The following ARSD variants were observed in gnomAD, a reference collection of about 807,000 sequenced individuals.
ARSD encodes the protein testis tissue sperm-binding protein Li 39a.
A neutral mutation model predicts 32.6 loss-of-function variants in ARSD; 21 were observed. The ratio of observed to expected loss-of-function variants is 0.64; its 90% confidence interval spans 0.46 to 0.93. ARSD has a LOEUF of 0.93. Ranked by LOEUF, ARSD falls within the 40% of genes least tolerant of loss-of-function variation. The pLI, the probability that ARSD is intolerant of heterozygous loss-of-function variation, is 0.00. For missense variants in ARSD, 454 were observed against 520.9 expected (o/e 0.87, Z 1.25); for synonymous variants, 224 against 237.4 (o/e 0.94, Z 0.52).
At chrX:2,922,842 C>CAAAAAAAAAAA (rs60380048) in intron 2 of ARSD, among the ~76,000 whole-genome samples, 27 of 43,722 alleles carry the variant, frequency 6.2e-4, no homozygotes, top group Non-Finnish European at 9.1e-4. Flanking sequence ...GACCGTGTCT[C>CAAAAAAAAAAA]AAAAAAAAAA....
At position 2,925,779 on chromosome X, in the gene ARSD, C is replaced by T. The variant is rs192033594; in HGVS notation, c.45-14G>A. 3.6e-5 allele frequency: 43 copies of T among 1,205,170 alleles called. No homozygotes were observed. The highest frequency in any genetic ancestry group is 2.9e-4 in the Admixed American group (13 of 45,251). ...GGCAAAGAGTCCCTGGAGAGAAAAG[C>T]GAAACACAGAAATGACTATCTACAA... On this transcript the variant is annotated splice_polypyrimidine_tract_variant and intron_variant, in intron 1 of 9. Coordinates refer to ENST00000381154, the MANE Select transcript of ARSD (RefSeq NM_001669.4).
chrX:2,914,181 G>A, intron 6 of ARSD: 1 of 757,905 alleles, frequency 1.3e-6, no homozygotes, highest in South Asian at 6.6e-5. Flanking sequence ...AATACTGAAG[G>A]ACCAAATAAA....
Position 2,919,102 on chromosome X carries a change from G to A in ARSD, c.440-875C>T, listed in dbSNP as rs761173207. Reference sequence around the variant, plus strand: ...ACTGCACTCCAGTGTAGGGGACAGAGCAACACTCCATCTCAAAAAAATAAA... The same window carrying A: ...ACTGCACTCCAGTGTAGGGGACAGAACAACACTCCATCTCAAAAAAATAAA... On this transcript the variant is annotated intron_variant, in intron 4 of 9. Transcript: ENST00000381154. Among the ~76,000 whole-genome samples, 3 of 109,761 alleles carry A rather than the reference G, an allele frequency of 2.7e-5. No individual in the cohort carries two copies. The East Asian group carries it at 8.5e-4, about 31-fold the overall frequency.
intron 2 of ARSD, among the ~76,000 whole-genome samples, chrX:2,925,409 T>C (rs941378432): frequency 8.9e-6 from 1 of 112,662 alleles, no homozygotes; most frequent in Non-Finnish European, 1.9e-5. Flanking sequence ...AAATTTCCGT[T>C]GTTTTAAGCT....
chrX:2,922,851 A>G lies in ARSD; in HGVS notation c.195-827T>C, dbSNP rs77210552. ...GAGTGAGACCGTGTCTCAAAAAAAA[A>G]AAAAAAAAAAAAAAAAAAAAGAAAG... On this transcript the variant is annotated intron_variant, in intron 2 of 9. Transcript: ENST00000381154. Among the ~76,000 whole-genome samples the G allele has an allele frequency of 1.5e-4, 12 of 78,256 alleles. No homozygotes were observed. In the East Asian group the frequency reaches 4.9e-3, roughly 32 times the overall value. The allele number at this position is 78,256 out of a possible 115,157, so 68.0% of individuals were successfully genotyped here.
At position 2,921,789 on chromosome X, in the gene ARSD, G is replaced by A. The variant is rs186440004; in HGVS notation, c.316+114C>T. On this transcript the variant is annotated intron_variant, in intron 3 of 9. Transcript: ENST00000381154. ...AATACAAGGAAGACGATGAATTGCA[G>A]GTGATCTTTGTACCATTGCCCCTGT... 1.6e-4 allele frequency: 147 copies of A among 897,066 alleles called. No individual in the cohort carries two copies. The African/African-American group carries it at 2.7e-3, about 16-fold the overall frequency. The allele number at this position is 897,066 out of a possible 1,213,427, so 73.9% of individuals were successfully genotyped here. A position where few individuals can be genotyped will look rare whatever the true frequency, so the allele number is the denominator to read the frequency against.
chrX:2,921,123 C>CATCTAG (rs2089024846), intron 3 of ARSD, among the ~76,000 whole-genome samples: 1 of 110,916 alleles, frequency 9.0e-6, no homozygotes, highest in Admixed American at 9.6e-5. Flanking sequence ...CCCCAAATGT[C>CATCTAG]CCTCATGCCA....
chrX:2,916,836 ATGTAT>A (rs2088965590), intron 5 of ARSD, among the ~76,000 whole-genome samples: 1 of 111,757 alleles, frequency 8.9e-6, no homozygotes, highest in African/African-American at 3.3e-5. Flanking sequence ...AGCTAACAAA[ATGTAT>A]TGTACTCAGG....
chrX:2,911,657 G>A (rs1475660330), intron 6 of ARSD, among the ~76,000 whole-genome samples: 2 of 87,010 alleles, frequency 2.3e-5, no homozygotes, highest in African/African-American at 4.4e-5. Flanking sequence ...GCGACAGGGT[G>A]AGACTCCATC....
intron 9 of ARSD, 112 bp downstream of exon 9, chrX:2,908,609 C>T (rs566578573): frequency 2.5e-6 from 2 of 787,765 alleles, no homozygotes; most frequent in Non-Finnish European, 3.5e-6. Flanking sequence ...TGTCCATCCA[C>T]CCATCCATCC....
chrX:2,913,703 G>A, intron 6 of ARSD: 1 of 972,325 alleles, frequency 1.0e-6, no homozygotes, highest in Non-Finnish European at 1.3e-6. Context: ...TTCTAATGAG[G>A]CTGTTAAGTC....
chrX:2,924,641 C>T (rs768162079), intron 2 of ARSD, among the ~76,000 whole-genome samples: 8 of 112,795 alleles, frequency 7.1e-5, no homozygotes, highest in East Asian at 2.8e-4. Context: ...GATCTGTCCA[C>T]GTGCTGACCC....
At chrX:2,927,537 C>G (rs766770502) in intron 1 of ARSD, among the ~76,000 whole-genome samples, 13 of 111,960 alleles carry the variant, frequency 1.2e-4, no homozygotes, top group Admixed American at 1.0e-3. Context: ...AGGTGATCCA[C>G]CCGTCTCGGC....
chrX:2,920,263 A>G (rs2089016123), intron 4 of ARSD: 1 of 230,193 alleles, frequency 4.3e-6, no homozygotes, highest in Non-Finnish European at 7.7e-6. Flanking sequence ...AGAAAAAAAA[A>G]CTCATGAAAA....
chrX:2,908,857 A>C lies in ARSD; in HGVS notation c.1299-15T>G. Reference sequence around the variant, plus strand: ...CATCAATCACCCTGATTTCATGAAGAGAACACAGAGCAGAGTCAGACCACG... The same window carrying C: ...CATCAATCACCCTGATTTCATGAAGCGAACACAGAGCAGAGTCAGACCACG... On this transcript the variant is annotated splice_polypyrimidine_tract_variant and intron_variant, in intron 8 of 9. Transcript: ENST00000381154. 8.3e-7 allele frequency: 1 copy of C among 1,211,112 alleles called. No individual in the cohort carries two copies. The highest frequency in any genetic ancestry group is 1.1e-6 in the Non-Finnish European group (1 of 895,288).
chrX:2,920,506 G>A, intron 4 of ARSD, 95 bp downstream of exon 4: 3 of 1,155,664 alleles, frequency 2.6e-6, no homozygotes, highest in Admixed American at 2.2e-5. Flanking sequence ...AAGTAGCTGG[G>A]ACTACAGGCG....
At chrX:2,927,561 G>A (rs2089096512) in intron 1 of ARSD, among the ~76,000 whole-genome samples, 1 of 112,102 alleles carries the variant, frequency 8.9e-6, no homozygotes, top group Non-Finnish European at 1.9e-5. Context: ...CCAAAGTGCT[G>A]GGATTACAGG....
chrX:2,907,587 G>A lies in ARSD; in HGVS notation c.1466C>T (p.Pro489Leu). Residue 489 changes from proline to leucine, a missense_variant, in exon 10 of 10, where the codon CCC (proline) becomes CTC (leucine). Pro to Leu is a moderately conservative substitution (Grantham distance 98). Transcript: ENST00000381154. ...KVHYTTPQFH[P>L]EGAGACYGRG... The stretch of plus-strand genomic sequence containing the variant: ...GCCGTAGCAGGCCCCCGCTCCCTCG[G>A]GGTGGAACTGCGGGGTCGTGTAATG... The A allele has an allele frequency of 1.8e-6, 2 of 1,128,464 alleles. No individual in the cohort carries two copies. The highest frequency in any genetic ancestry group is 2.3e-6 in the Non-Finnish European group (2 of 853,830). The allele number at this position is 1,128,464 out of a possible 1,213,427, so 93.0% of individuals were successfully genotyped here.
intron 8 of ARSD, among the ~76,000 whole-genome samples, chrX:2,909,080 G>GCGCACACACA (rs2088879540): frequency 9.4e-6 from 1 of 105,898 alleles, no homozygotes; most frequent in Non-Finnish European, 2.0e-5. Context: ...TAAGCAGAGT[G>GCGCACACACA]CACACACACA....
Sources: gnomAD v4.1 joint callset for allele counts (sites outside exome capture counted in the v4.1 genomes callset) on GRCh38, gnomAD v4.1.1 for gene constraint, MANE v1.5 for transcripts, NCBI Gene and HGNC (gene_info 2026-07-23, HGNC 2026-07-21) for gene names.